Variants in ELMO1 observed in about 807,000 individuals in gnomAD.
ELMO1 encodes engulfment and cell motility protein 1.
A neutral mutation model predicts 98.9 loss-of-function variants in ELMO1; 26 were observed. The observed-to-expected ratio is 0.26, with a 90% CI of 0.19 to 0.36. ELMO1 has a LOEUF of 0.36. ELMO1 is among the 10% of genes least tolerant of loss of function. ELMO1 has a pLI of 1.00. For synonymous variants in ELMO1, 346 were observed against 346.0 expected (o/e 1.00, Z 0.00); for missense variants, 627 against 935.2 (o/e 0.67, Z 4.30).
At chr7:37,159,615 A>C (rs1287669459) in intron 13 of ELMO1, among the ~76,000 whole-genome samples, 1 of 152,084 alleles carries the variant, frequency 6.6e-6, no homozygotes, top group Non-Finnish European at 1.5e-5. Context: ...CAAGAGAATC[A>C]CTTGAACCAG....
intron 4 of ELMO1, among the ~76,000 whole-genome samples, chr7:37,294,336 G>A (rs1797917241): frequency 6.7e-6 from 1 of 149,010 alleles, no homozygotes; most frequent in South Asian, 2.2e-4. Flanking sequence ...CAGCCTAGGT[G>A]ACTGAGCGAG....
intron 15 of ELMO1, among the ~76,000 whole-genome samples, chr7:37,043,866 G>A (rs1795659425): frequency 2.0e-5 from 3 of 152,104 alleles, no homozygotes; most frequent in Admixed American, 1.3e-4. Context: ...GGCGTCCTTT[G>A]CTGCCTGCTT....
intron 20 of ELMO1, among the ~76,000 whole-genome samples, chr7:36,869,827 T>G (rs755489762): frequency 6.6e-6 from 1 of 152,230 alleles, no homozygotes; most frequent in Non-Finnish European, 1.5e-5. Flanking sequence ...TACACACTTC[T>G]GGGAAAATTT....
rs950127698 is a variant in ELMO1, at chr7:37,258,823, A to C, written c.413+358T>G. ...TTTTTTAATGGATTAAGGGAGGGAA[A>C]ATTTTTCTTAGGGATAGGCAACGAA... On this transcript the variant is annotated intron_variant, in intron 6 of 21. Coordinates refer to ENST00000310758, the MANE Select transcript of ELMO1 (RefSeq NM_014800.11). Among the ~76,000 whole-genome samples the C allele has an allele frequency of 2.0e-5, 3 of 152,022 alleles. No homozygotes were observed. In the East Asian group the frequency reaches 5.8e-4, roughly 29 times the overall value.
At chr7:37,327,803 C>G (rs2723981) in intron 2 of ELMO1, among the ~76,000 whole-genome samples, 73,098 of 151,908 alleles carry the variant, frequency 0.48, 18,759 homozygotes, top group Non-Finnish European at 0.58. Context: ...GTGGCAACCT[C>G]AGGCAGAACC....
intron 13 of ELMO1, among the ~76,000 whole-genome samples, chr7:37,153,728 G>T (rs10239523): frequency 3.9e-5 from 6 of 152,132 alleles, no homozygotes; most frequent in African/African-American, 1.4e-4. Context: ...GAGGCAGGGC[G>T]TATCTGAACA....
At chr7:37,151,751 A>G (rs1788374626) in intron 13 of ELMO1, among the ~76,000 whole-genome samples, 2 of 152,212 alleles carry the variant, frequency 1.3e-5, no homozygotes, top group African/African-American at 4.8e-5. Context: ...TGGTTTAAAA[A>G]TCAGTGTTGA....
At chr7:37,425,702 C>T (rs1048835793) in intron 1 of ELMO1, among the ~76,000 whole-genome samples, 1 of 152,180 alleles carries the variant, frequency 6.6e-6, no homozygotes, top group Non-Finnish European at 1.5e-5. Context: ...CAAATAAGTG[C>T]TCCACAGAGT....
intron 1 of ELMO1, among the ~76,000 whole-genome samples, chr7:37,433,835 T>G (rs941348606): frequency 3.3e-5 from 5 of 152,140 alleles, no homozygotes; most frequent in African/African-American, 1.2e-4. Context: ...TGTCTCCTGC[T>G]GCAGGGGGCA....
chr7:37,315,675 T>G (rs1047523889), intron 3 of ELMO1, among the ~76,000 whole-genome samples: 14 of 152,184 alleles, frequency 9.2e-5, no homozygotes, highest in Non-Finnish European at 1.2e-4. Flanking sequence ...GAACACAACT[T>G]CCTAAAATAA....
At chr7:37,380,715 T>C (rs1802546752) in intron 1 of ELMO1, among the ~76,000 whole-genome samples, 1 of 152,240 alleles carries the variant, frequency 6.6e-6, no homozygotes, top group Admixed American at 6.5e-5. Context: ...AACATCGTTG[T>C]CAACATATCA....
chr7:37,328,557 C>A (rs12667592), intron 2 of ELMO1, among the ~76,000 whole-genome samples: 22,718 of 152,042 alleles, frequency 0.15, 1,908 homozygotes, highest in East Asian at 0.35. Flanking sequence ...CCCAGGTGCT[C>A]AGCGCTAACA....
intron 14 of ELMO1, among the ~76,000 whole-genome samples, chr7:37,120,901 C>A (rs570820044): frequency 7.9e-4 from 121 of 152,340 alleles, no homozygotes; most frequent in African/African-American, 2.8e-3. Context: ...ACACCTCACA[C>A]AGCCGGGTAC....
intron 16 of ELMO1, among the ~76,000 whole-genome samples, chr7:36,909,125 T>G (rs1458184569): frequency 6.6e-6 from 1 of 151,982 alleles, no homozygotes; most frequent in African/African-American, 2.4e-5. Flanking sequence ...AATGTGAGAG[T>G]TGAATGAAAG....
chr7:37,139,604 A>G (rs1787482659), intron 13 of ELMO1, among the ~76,000 whole-genome samples: 2 of 151,824 alleles, frequency 1.3e-5, no homozygotes, highest in South Asian at 4.2e-4. Context: ...ATGCTCATGG[A>G]TGGGTAGAAT....
At chr7:36,973,851 C>A (rs116237232) in intron 16 of ELMO1, among the ~76,000 whole-genome samples, 2 of 152,232 alleles carry the variant, frequency 1.3e-5, no homozygotes, top group South Asian at 2.1e-4. Context: ...CCGGCCCTGC[C>A]GTTGCCGAGC....
In ELMO1 at chr7:36,880,687, G is replaced by T. The variant is rs1291821897; in HGVS notation, c.1715-2570C>A. ...TCTTCAAGGCAGCTAAGAGAAAGAT[G>T]TTGTTTCCCAGGTCTGGGAAGTAGG... On this transcript the variant is annotated intron_variant, in intron 18 of 21. Coordinates refer to ENST00000310758, the MANE Select transcript of ELMO1 (RefSeq NM_014800.11). 2.0e-5 allele frequency among the ~76,000 whole-genome samples: 3 copies of T among 152,222 alleles called. No homozygotes were observed. The East Asian group carries it at 5.8e-4, about 29-fold the overall frequency.
Position 37,259,252 on chromosome 7 carries a change from G to C in ELMO1, c.342C>G (p.Val114=). 1 of 1,614,168 alleles carries C rather than the reference G, an allele frequency of 6.2e-7. No individual in the cohort carries two copies. The highest frequency in any genetic ancestry group is 1.3e-5 in the African/African-American group (1 of 75,050). Residue 114 remains valine (V), a synonymous_variant, in exon 6 of 22, where the codon GTC becomes GTG. Transcript: ENST00000310758. ...LKDLASLSRD[V]TFAQEFINLD... ...GGTTTATAAACTCCTGGGCAAACGT[G>C]ACATCCCGGGAGAGGCTGGCCAAGT... is the stretch of plus-strand genomic sequence containing the variant.
intron 16 of ELMO1, among the ~76,000 whole-genome samples, chr7:36,999,827 C>A (rs903182067): frequency 1.3e-5 from 2 of 152,114 alleles, no homozygotes; most frequent in Non-Finnish European, 1.5e-5. Context: ...CTCAGCCATG[C>A]AGGGGAGCAA....
Sources: gnomAD v4.1 joint callset for allele counts (sites outside exome capture counted in the v4.1 genomes callset) on GRCh38, gnomAD v4.1.1 for gene constraint, MANE v1.5 for transcripts, NCBI Gene and HGNC (gene_info 2026-07-23, HGNC 2026-07-21) for gene names.